Variants in CCDC6 observed in about 807,000 individuals in gnomAD.
CCDC6 encodes coiled-coil domain-containing protein 6.
CCDC6 carries 20 observed loss-of-function variants against 56.6 expected under a neutral mutation model. That is an observed-to-expected ratio of 0.35 (90% CI 0.25 to 0.51). The LOEUF is 0.51. CCDC6 is among the 20% of genes least tolerant of loss of function. The pLI, the probability that CCDC6 is intolerant of heterozygous loss-of-function variation, is 0.95. For synonymous variants in CCDC6, 241 were observed against 234.4 expected (o/e 1.03, Z -0.26); for missense variants, 367 against 601.1 (o/e 0.61, Z 4.07).
chr10:59,837,830 T>TC (rs2070897888), intron 2 of CCDC6, among the ~76,000 whole-genome samples: 1 of 151,092 alleles, frequency 6.6e-6, no homozygotes. Flanking sequence ...CTAATATCTG[T>TC]TACCCACAGT....
chr10:59,850,644 C>A (rs1241458642), intron 2 of CCDC6, among the ~76,000 whole-genome samples: 3 of 152,146 alleles, frequency 2.0e-5, no homozygotes, highest in African/African-American at 7.2e-5. Context: ...CTATTCAATC[C>A]CTTTAGAAAG....
intron 3 of CCDC6, among the ~76,000 whole-genome samples, chr10:59,820,592 T>A (rs889605545): frequency 3.3e-5 from 5 of 151,638 alleles, no homozygotes; most frequent in African/African-American, 1.2e-4. Flanking sequence ...ACAAAAAAAA[T>A]AAAAAATTAT....
At chr10:59,813,833 A>G (rs2070691458) in intron 4 of CCDC6, among the ~76,000 whole-genome samples, 1 of 152,240 alleles carries the variant, frequency 6.6e-6, no homozygotes, top group African/African-American at 2.4e-5. Context: ...TCTTAAAGCT[A>G]TGTGGTATGC....
chr10:59,877,873 T>C (rs1421579824), intron 1 of CCDC6, among the ~76,000 whole-genome samples: 1 of 151,968 alleles, frequency 6.6e-6, no homozygotes, highest in African/African-American at 2.4e-5. Flanking sequence ...CACTTCCAAA[T>C]ACAATGAGAA....
At chr10:59,838,920 C>T (rs546758551) in intron 2 of CCDC6, among the ~76,000 whole-genome samples, 1 of 152,302 alleles carries the variant, frequency 6.6e-6, no homozygotes, top group African/African-American at 2.4e-5. Context: ...ATAATGTGCA[C>T]TCACCCTCCT....
At chr10:59,796,433 A>G (rs1220368630) in intron 7 of CCDC6, among the ~76,000 whole-genome samples, 1 of 146,000 alleles carries the variant, frequency 6.8e-6, no homozygotes, top group Non-Finnish European at 1.5e-5. Context: ...TGTATAAAAG[A>G]AAAAAAAAGG....
intron 3 of CCDC6, among the ~76,000 whole-genome samples, chr10:59,821,039 T>G (rs2070746034): frequency 6.6e-6 from 1 of 152,044 alleles, no homozygotes; most frequent in African/African-American, 2.4e-5. Flanking sequence ...GATGTTCAAG[T>G]GTTCAAAGTG....
Position 59,906,369 on chromosome 10 carries a change from C to T in CCDC6, c.56G>A (p.Ser19Asn), listed in dbSNP as rs745384598. 8 of 1,594,036 alleles carry T rather than the reference C, an allele frequency of 5.0e-6. No individual in the cohort carries two copies. The Admixed American group carries it at 1.2e-4, about 23-fold the overall frequency. ...DTDGAGGNSS[S>N]SAAMQSSCSS... The stretch of plus-strand genomic sequence containing the variant: ...GCAGGACGACTGCATGGCGGCCGAG[C>T]TGCTGCTGTTGCCCCCCGCCCCGTC... The change falls in exon 1 of 9, where the codon AGC (serine) becomes AAC (asparagine). Residue 19 changes from serine to asparagine, a missense_variant. Ser to Asn is a conservative substitution (Grantham distance 46). Around this residue, in one of 7 missense-constraint regions of CCDC6, gnomAD observed 79 missense variants for 74.9 expected, o/e 1.05. Transcript: ENST00000263102.
intron 1 of CCDC6, among the ~76,000 whole-genome samples, chr10:59,856,218 C>T (rs77048084): frequency 0.034 from 5,102 of 152,088 alleles, 297 homozygotes; most frequent in African/African-American, 0.12. Flanking sequence ...AACATCAGTA[C>T]AAGATTTCCA....
intron 3 of CCDC6, among the ~76,000 whole-genome samples, chr10:59,827,840 C>T (rs1014277581): frequency 6.6e-6 from 1 of 152,134 alleles, no homozygotes. Context: ...TCCTGTTACA[C>T]CATGTAAGTG....
intron 1 of CCDC6, among the ~76,000 whole-genome samples, chr10:59,873,912 T>C (rs1251860979): frequency 6.6e-6 from 1 of 152,216 alleles, no homozygotes; most frequent in Non-Finnish European, 1.5e-5. Context: ...TTAAATCTTC[T>C]ATATGAGAAT....
At chr10:59,827,448 A>G (rs940586278) in intron 3 of CCDC6, among the ~76,000 whole-genome samples, 1 of 152,218 alleles carries the variant, frequency 6.6e-6, no homozygotes, top group African/African-American at 2.4e-5. Flanking sequence ...AAAGAACTTT[A>G]GTACACATGG....
chr10:59,810,707 C>CT lies in CCDC6; in HGVS notation c.847+1927dup, dbSNP rs1491399657. ...ATATATATATTTTTTTAATATGCTC[C>CT]TTTTTTACTCCATGGAGTAAGCCCA... On this transcript the variant is annotated intron_variant, in intron 5 of 8. Transcript: ENST00000263102. 2.6e-5 allele frequency among the ~76,000 whole-genome samples: 4 copies of CT among 152,036 alleles called. No individual in the cohort carries two copies. In the East Asian group the frequency reaches 5.8e-4, roughly 22 times the overall value.
intron 1 of CCDC6, among the ~76,000 whole-genome samples, chr10:59,882,920 A>C (rs1355494861): frequency 6.6e-6 from 1 of 152,090 alleles, no homozygotes; most frequent in Non-Finnish European, 1.5e-5. Flanking sequence ...AGATCGCGCC[A>C]CTGCACTCCA....
At chr10:59,880,406 G>C (rs372388167) in intron 1 of CCDC6, among the ~76,000 whole-genome samples, 20 of 152,184 alleles carry the variant, frequency 1.3e-4, no homozygotes, top group African/African-American at 4.6e-4. Flanking sequence ...AAATCCCACA[G>C]ACATAATGCT....
At chr10:59,838,914 T>G (rs2070910566) in intron 2 of CCDC6, among the ~76,000 whole-genome samples, 1 of 152,208 alleles carries the variant, frequency 6.6e-6, no homozygotes, top group Non-Finnish European at 1.5e-5. Flanking sequence ...CTCAGCATAA[T>G]GTGCACTCAC....
rs2070682590 is a variant in CCDC6 at position 59,812,635 on chromosome 10, G to A, written c.847C>T (p.His283Tyr). The change falls in exon 5 of 9, where the codon CAT becomes TAT. Residue 283 changes from histidine (H) to tyrosine (Y), a missense_variant and splice_region_variant. Transcript: ENST00000263102. Reference sequence around the variant, plus strand: ...ACTAGTGAAACCAGAGGCTACGTACGCTGTAACTGAGCAGCTCTCAGTTGC... The same window carrying A: ...ACTAGTGAAACCAGAGGCTACGTACACTGTAACTGAGCAGCTCTCAGTTGC... ...KKQLRAAQLQHSEKMAQYLEE... is the reference protein window; with the variant it reads ...KKQLRAAQLQYSEKMAQYLEE... 3 of 1,609,078 alleles carry A rather than the reference G, an allele frequency of 1.9e-6. No individual in the cohort carries two copies. The highest frequency in any genetic ancestry group is 2.5e-6 in the Non-Finnish European group (3 of 1,176,522).
In CCDC6 at chr10:59,906,286, C is replaced by A; in HGVS notation, c.139G>T (p.Gly47Trp). The A allele has an allele frequency of 6.2e-7, 1 of 1,608,908 alleles. No homozygotes were observed. Residue 47 changes from glycine to tryptophan, a missense_variant, in exon 1 of 9, where the codon GGG becomes TGG. Gly to Trp is a radical substitution (Grantham distance 184). Coordinates refer to ENST00000263102, the MANE Select transcript of CCDC6 (RefSeq NM_005436.5). Reference protein sequence around the residue: ...GGGGGGGGKSGGIVISPFRLE... With the variant: ...GGGGGGGGKSWGIVISPFRLE... ...CGGAACGGCGAGATGACAATGCCCC[C>A]CGACTTCCCACCGCCGCCGCCTCCC...
chr10:59,790,427 A>G lies in CCDC6; in HGVS notation c.*2490T>C, dbSNP rs1264056269. 2 of 217,818 alleles carry G rather than the reference A, an allele frequency of 9.2e-6. No individual in the cohort carries two copies. The highest frequency in any genetic ancestry group is 6.7e-5 in the East Asian group (1 of 14,856). 13.5% of individuals were successfully genotyped at this position (217,818 alleles called of 1,614,324 possible). A position where few individuals can be genotyped will look rare whatever the true frequency, so the allele number is the denominator to read the frequency against. ...CCCGACTGAGGGAAGTCAGCTTCCC[A>G]TAGGTGAGGGGGCTGTTGCCATTAT... On this transcript the variant is annotated 3_prime_UTR_variant, in exon 9 of 9. Coordinates refer to ENST00000263102, the MANE Select transcript of CCDC6 (RefSeq NM_005436.5).
Sources: gnomAD v4.1 joint callset for allele counts (sites outside exome capture counted in the v4.1 genomes callset) on GRCh38, gnomAD v4.1.1 for gene constraint, gnomAD v4.1.1 regional missense constraint, MANE v1.5 for transcripts, NCBI Gene and HGNC (gene_info 2026-07-23, HGNC 2026-07-21) for gene names.